Variants in CLEC2L observed in about 807,000 individuals in gnomAD.
CLEC2L encodes the protein C-type lectin domain family 2, member L.
Under a neutral mutation model 23.6 loss-of-function variants are expected in CLEC2L, and 14 were observed. That is an observed-to-expected ratio of 0.59 (90% CI 0.39 to 0.93). The LOEUF (loss-of-function observed/expected upper bound fraction) is 0.93. CLEC2L is among the 40% of genes least tolerant of loss of function. The probability of loss-of-function intolerance (pLI) is 0.00; values close to 1 mark genes in which losing one functional copy is unlikely to be tolerated. For synonymous variants in CLEC2L, 114 were observed against 121.3 expected (o/e 0.94, Z 0.40); for missense variants, 264 against 282.4 (o/e 0.93, Z 0.47).
chr7:139,528,209 A>T (rs546426459), intron 1 of CLEC2L, among the ~76,000 whole-genome samples: 5 of 152,240 alleles, frequency 3.3e-5, no homozygotes, highest in Non-Finnish European at 7.3e-5. Flanking sequence ...ATGTGACTGC[A>T]TATGGAAATA....
At chr7:139,525,548 C>G (rs975362309) in intron 1 of CLEC2L, among the ~76,000 whole-genome samples, 1 of 151,344 alleles carries the variant, frequency 6.6e-6, no homozygotes, top group Non-Finnish European at 1.5e-5. Context: ...GGTCAGACAC[C>G]CCCCCGTGAC....
At chr7:139,536,692 C>T (rs28479209) in intron 2 of CLEC2L, among the ~76,000 whole-genome samples, 33 of 151,960 alleles carry the variant, frequency 2.2e-4, no homozygotes, top group African/African-American at 7.5e-4. Flanking sequence ...GGATCATATT[C>T]GGCCGGGCGC....
rs1459656459 is a variant in CLEC2L at position 139,524,000 on chromosome 7, C to G, written c.73C>G (p.Pro25Ala). 17 of 1,068,196 alleles carry G rather than the reference C, an allele frequency of 1.6e-5. No individual in the cohort carries two copies. Among genetic ancestry groups the G allele is most frequent in the Non-Finnish European group, 1.8e-5 (16 of 882,944 alleles). The allele number at this position is 1,068,196 out of a possible 1,614,324, so 66.2% of individuals were successfully genotyped here. ...CCTCGCCGCGCGCCCCGCGCCCGCC[C>G]CCGCCGCCCCCAGGCCGCGTTCGCC... ...PPLAARPAPA[P>A]AAPRPRSPAE... is the part of the protein sequence containing the mutation. Residue 25 changes from proline to alanine, a missense_variant, in exon 1 of 5, where the codon CCC (proline) becomes GCC (alanine). Physicochemically the swap from Pro to Ala is conservative, Grantham distance 27. Transcript: ENST00000422142. This position sits in a 1 kb window ranked among gnomAD's most constrained non-coding sequence, Gnocchi z 4.1.
chr7:139,524,976 G>A (rs1372882565), intron 1 of CLEC2L, among the ~76,000 whole-genome samples: 6 of 152,192 alleles, frequency 3.9e-5, no homozygotes, highest in Non-Finnish European at 5.9e-5. Flanking sequence ...CTTAGCAGGC[G>A]TGGAGACAGA....
chr7:139,535,846 G>A (rs956253209), intron 1 of CLEC2L, among the ~76,000 whole-genome samples: 1 of 152,228 alleles, frequency 6.6e-6, no homozygotes, highest in Non-Finnish European at 1.5e-5. Context: ...GAAGCAGCAG[G>A]AGATTCAAGA....
Position 139,540,610 on chromosome 7 carries a change from C to T in CLEC2L, c.432+123C>T. ...CCTGTGACACGTCTCCAAAGCCGCCCACCTGCTGCATAACCACTTGGGGTG... is the reference window on the plus strand; with the variant it reads ...CCTGTGACACGTCTCCAAAGCCGCCTACCTGCTGCATAACCACTTGGGGTG... On this transcript the variant is annotated intron_variant, in intron 3 of 4. Transcript: ENST00000422142. This position sits in a 1 kb window ranked among gnomAD's most constrained non-coding sequence, Gnocchi z 5.8. 1.8e-6 allele frequency: 2 copies of T among 1,124,950 alleles called. No individual in the cohort carries two copies. Among genetic ancestry groups the T allele is most frequent in the Non-Finnish European group, 1.3e-6 (1 of 774,838 alleles). The allele number at this position is 1,124,950 out of a possible 1,614,324, so 69.7% of individuals were successfully genotyped here. A position where few individuals can be genotyped will look rare whatever the true frequency, so the allele number is the denominator to read the frequency against.
chr7:139,538,191 G>A (rs546447445), intron 2 of CLEC2L, among the ~76,000 whole-genome samples: 1 of 152,136 alleles, frequency 6.6e-6, no homozygotes. Flanking sequence ...CCAGCACTTC[G>A]GGAGGCCAAG....
At chr7:139,533,456 A>G (rs1350759814) in intron 1 of CLEC2L, among the ~76,000 whole-genome samples, 1 of 152,178 alleles carries the variant, frequency 6.6e-6, no homozygotes, top group Non-Finnish European at 1.5e-5. Context: ...CCTGAGTTCA[A>G]TCGATACTTC....
In CLEC2L at chr7:139,524,131, G is replaced by T; in HGVS notation, c.190+14G>T. The stretch of plus-strand genomic sequence containing the variant: ...CGGCCTTGGAGGGTAAGCGCGGAGC[G>T]GCCTCCCTCTCCTGGCCCAGGGACC... On this transcript the variant is annotated intron_variant, in intron 1 of 4. Transcript: ENST00000422142. 1 of 1,222,292 alleles carries T rather than the reference G, an allele frequency of 8.2e-7. No individual in the cohort carries two copies. The allele number at this position is 1,222,292 out of a possible 1,614,324, so 75.7% of individuals were successfully genotyped here.
At chr7:139,527,062 G>A (rs1315380009) in intron 1 of CLEC2L, among the ~76,000 whole-genome samples, 1 of 152,230 alleles carries the variant, frequency 6.6e-6, no homozygotes, top group Non-Finnish European at 1.5e-5. Context: ...TTATCACCAT[G>A]TGCCCAATGC....
chr7:139,530,060 T>C (rs1473687459), intron 1 of CLEC2L, among the ~76,000 whole-genome samples: 1 of 150,294 alleles, frequency 6.7e-6, no homozygotes, highest in Non-Finnish European at 1.5e-5. Context: ...GGCACGTGCC[T>C]CTAATCCCAG....
At chr7:139,532,331 G>A (rs1347052914) in intron 1 of CLEC2L, among the ~76,000 whole-genome samples, 1 of 152,146 alleles carries the variant, frequency 6.6e-6, no homozygotes, top group African/African-American at 2.4e-5. Context: ...CCCTTCCTCA[G>A]GCAGCCATTG....
intron 2 of CLEC2L, among the ~76,000 whole-genome samples, chr7:139,538,471 G>A (rs555733562): frequency 5.2e-4 from 78 of 148,880 alleles, no homozygotes; most frequent in Non-Finnish European, 9.2e-4. Flanking sequence ...AAAAAGGTCC[G>A]GGCGTGGTGG....
chr7:139,530,681 C>T (rs1367444336), intron 1 of CLEC2L, among the ~76,000 whole-genome samples: 2 of 151,780 alleles, frequency 1.3e-5, no homozygotes, highest in African/African-American at 4.8e-5. Context: ...GGTGTGGTGG[C>T]GGGTGCCTAT....
intron 1 of CLEC2L, among the ~76,000 whole-genome samples, chr7:139,527,402 A>G (rs894804368): frequency 2.6e-4 from 39 of 152,124 alleles, no homozygotes; most frequent in African/African-American, 9.4e-4. Flanking sequence ...TTCCCTCCTT[A>G]TGGGTTAAAT....
chr7:139,526,638 G>C (rs548858661), intron 1 of CLEC2L, among the ~76,000 whole-genome samples: 1 of 152,364 alleles, frequency 6.6e-6, no homozygotes, highest in South Asian at 2.1e-4. Flanking sequence ...CTGGGGCAGA[G>C]CCTTCCATTG....
In CLEC2L at chr7:139,544,241, G is replaced by C; in HGVS notation, c.544G>C (p.Ala182Pro). 1.9e-6 allele frequency: 3 copies of C among 1,612,476 alleles called. No homozygotes were observed. Among genetic ancestry groups the C allele is most frequent in the Non-Finnish European group, 2.5e-6 (3 of 1,178,998 alleles). ...DPFDPDTFTIAGPGECVFVEP... is the reference protein window; with the variant it reads ...DPFDPDTFTIPGPGECVFVEP... ...CTCTCCTGGCCACAGGTTCACCATC[G>C]CAGGTCCAGGGGAGTGTGTCTTCGT... The change falls in exon 5 of 5, where the codon GCA becomes CCA. Residue 182 changes from alanine to proline, a missense_variant. Ala to Pro is a conservative substitution (Grantham distance 27). Transcript: ENST00000422142.
chr7:139,527,349 C>A (rs1230356468), intron 1 of CLEC2L, among the ~76,000 whole-genome samples: 1 of 152,196 alleles, frequency 6.6e-6, no homozygotes, highest in Non-Finnish European at 1.5e-5. Flanking sequence ...ACGCTCTCCT[C>A]CCCCTGCTCC....
chr7:139,525,387 A>C (rs1471882998), intron 1 of CLEC2L, among the ~76,000 whole-genome samples: 1 of 152,086 alleles, frequency 6.6e-6, no homozygotes, highest in Non-Finnish European at 1.5e-5. Context: ...GGGCCAGGGG[A>C]CGTGCACTGT....
Sources: gnomAD v4.1 joint callset for allele counts (sites outside exome capture counted in the v4.1 genomes callset) on GRCh38, gnomAD v4.1.1 for gene constraint, Gnocchi (gnomAD v3.1) non-coding constraint, MANE v1.5 for transcripts, NCBI Gene and HGNC (gene_info 2026-07-23, HGNC 2026-07-21) for gene names.